Variants in SEMA5A observed in about 807,000 individuals in gnomAD.
The protein encoded by SEMA5A is semaphorin-5A.
SEMA5A carries 55 observed loss-of-function variants against 135.5 expected under a neutral mutation model. The observed-to-expected ratio is 0.41, with a 90% CI of 0.33 to 0.51. The LOEUF is 0.51. Among genes scored for constraint, SEMA5A ranks in the 20% least tolerant of loss-of-function variants. SEMA5A has a pLI of 0.37. For synonymous variants in SEMA5A, 580 were observed against 546.5 expected (o/e 1.06, Z -0.85); for missense variants, 1,290 against 1,419.9 (o/e 0.91, Z 1.47).
chr5:9,386,605 CAT>C (rs1448110255), intron 2 of SEMA5A, among the ~76,000 whole-genome samples: 1 of 152,188 alleles, frequency 6.6e-6, no homozygotes, highest in African/African-American at 2.4e-5. Flanking sequence ...GTGGTCACAC[CAT>C]GGTGGCTGAC....
At chr5:9,349,994 C>T (rs374284758) in intron 3 of SEMA5A, among the ~76,000 whole-genome samples, 8 of 152,084 alleles carry the variant, frequency 5.3e-5, no homozygotes, top group Non-Finnish European at 8.8e-5. Context: ...TCTAAGTCTT[C>T]GAAATCCTTA....
intron 1 of SEMA5A, among the ~76,000 whole-genome samples, chr5:9,507,786 C>T (rs1374577653): frequency 1.3e-5 from 2 of 151,976 alleles, no homozygotes; most frequent in Non-Finnish European, 2.9e-5. Context: ...GGGCGGATCA[C>T]GAGGTCAGGA....
chr5:9,371,490 A>G (rs1755132736), intron 3 of SEMA5A, among the ~76,000 whole-genome samples: 1 of 152,178 alleles, frequency 6.6e-6, no homozygotes, highest in Admixed American at 6.5e-5. Context: ...TTACATACCT[A>G]GATTATAGAA....
chr5:9,207,868 G>GATAA (rs1561022451), intron 8 of SEMA5A, among the ~76,000 whole-genome samples: 2 of 45,456 alleles, frequency 4.4e-5, no homozygotes, highest in African/African-American at 1.3e-4. Flanking sequence ...TAGATAGATA[G>GATAA]ATAGATAGAT....
rs779878914 is a variant in SEMA5A at position 9,088,647 on chromosome 5, T to TACAC, written c.2073+19492_2073+19493insGTGT. Among the ~76,000 whole-genome samples the TACAC allele has an allele frequency of 2.7e-4, 31 of 113,942 alleles. 1 individual carries two copies. Among genetic ancestry groups the TACAC allele is most frequent in the Non-Finnish European group, 5.3e-4 (29 of 55,204 alleles). The allele number at this position is 113,942 out of a possible 152,430, so 74.8% of individuals were successfully genotyped here. On this transcript the variant is annotated intron_variant, in intron 16 of 22. Transcript: ENST00000382496. ...GAAGCCTACATTTATAATATATATA[T>TACAC]ATATATATATATACACACACACACT...
intron 1 of SEMA5A, among the ~76,000 whole-genome samples, chr5:9,458,750 G>A (rs1268293337): frequency 6.6e-6 from 1 of 152,176 alleles, no homozygotes; most frequent in Non-Finnish European, 1.5e-5. Context: ...GAATAACAGT[G>A]CCAGCTCCTC....
chr5:9,049,042 A>T (rs1364279900), intron 21 of SEMA5A, among the ~76,000 whole-genome samples: 1 of 152,216 alleles, frequency 6.6e-6, no homozygotes, highest in Non-Finnish European at 1.5e-5. Context: ...CACAAAACTG[A>T]CACAGAGCAG....
chr5:9,475,944 G>A lies in SEMA5A; in HGVS notation c.-174-38092C>T, dbSNP rs931350652. 2.0e-5 allele frequency among the ~76,000 whole-genome samples: 3 copies of A among 152,174 alleles called. No individual in the cohort carries two copies. The East Asian group carries it at 5.8e-4, about 29-fold the overall frequency. ...AACTCATTTTACAGAGGTAGCTAAT[G>A]AGAAAAAGTCAATGTATATTCTTCG... On this transcript the variant is annotated intron_variant, in intron 1 of 22. Coordinates refer to ENST00000382496, the MANE Select transcript of SEMA5A (RefSeq NM_003966.3).
intron 5 of SEMA5A, among the ~76,000 whole-genome samples, chr5:9,276,446 T>C (rs1311304104): frequency 2.0e-5 from 3 of 152,148 alleles, no homozygotes; most frequent in South Asian, 4.1e-4. Context: ...CCTCACAGAA[T>C]TGGAAAAATC....
chr5:9,396,787 C>T (rs1031069566), intron 2 of SEMA5A, among the ~76,000 whole-genome samples: 1 of 152,164 alleles, frequency 6.6e-6, no homozygotes, highest in African/African-American at 2.4e-5. Flanking sequence ...GGTCCTTCCC[C>T]ACGTGGCCCT....
At chr5:9,488,485 T>G (rs184498563) in intron 1 of SEMA5A, among the ~76,000 whole-genome samples, 1 of 152,324 alleles carries the variant, frequency 6.6e-6, no homozygotes, top group Admixed American at 6.5e-5. Flanking sequence ...CTACCATCAT[T>G]CTGTCCTATT....
At chr5:9,503,931 T>C (rs1431380737) in intron 1 of SEMA5A, among the ~76,000 whole-genome samples, 1 of 152,172 alleles carries the variant, frequency 6.6e-6, no homozygotes, top group African/African-American at 2.4e-5. Context: ...GAAATACATT[T>C]CACGGCTGGG....
intron 1 of SEMA5A, among the ~76,000 whole-genome samples, chr5:9,473,383 TAAAAAAAAAAA>T (rs58137756): frequency 8.8e-5 from 7 of 79,704 alleles, no homozygotes; most frequent in African/African-American, 1.5e-4. Context: ...CAATCAGTGG[TAAAAAAAAAAA>T]AAAAAAAAAA....
intron 5 of SEMA5A, among the ~76,000 whole-genome samples, chr5:9,257,412 A>G (rs1019746439): frequency 6.6e-6 from 1 of 151,894 alleles, no homozygotes; most frequent in Non-Finnish European, 1.5e-5. Context: ...GTGGAAAAGT[A>G]AAGCTCTACA....
At chr5:9,412,507 TCACATGGAACAGTCCCCC>T (rs1757137085) in intron 2 of SEMA5A, among the ~76,000 whole-genome samples, 1 of 112,584 alleles carries the variant, frequency 8.9e-6, no homozygotes. Context: ...TTTTTTTTTT[TCACATGGAACAGTCCCCC>T]TTGTTATTAC....
intron 22 of SEMA5A, 92 bp from the exon 23 acceptor site, chr5:9,043,108 GCT>G: frequency 8.7e-7 from 1 of 1,154,534 alleles, no homozygotes; most frequent in South Asian, 1.4e-5. Flanking sequence ...TTGAATTTGA[GCT>G]CTCTGCTAAG....
At chr5:9,167,028 T>C (rs1743646678) in intron 11 of SEMA5A, among the ~76,000 whole-genome samples, 2 of 152,180 alleles carry the variant, frequency 1.3e-5, no homozygotes, top group Non-Finnish European at 2.9e-5. Context: ...TCCCATTAGT[T>C]GTCAATTGAG....
chr5:9,313,016 C>G (rs902503774), intron 5 of SEMA5A, among the ~76,000 whole-genome samples: 1 of 152,098 alleles, frequency 6.6e-6, no homozygotes, highest in African/African-American at 2.4e-5. Flanking sequence ...TCCCCGTGCT[C>G]CTACTGTAGC....
intron 5 of SEMA5A, among the ~76,000 whole-genome samples, chr5:9,310,165 T>C (rs1752061122): frequency 6.6e-6 from 1 of 152,130 alleles, no homozygotes; most frequent in South Asian, 2.1e-4. Flanking sequence ...AGTCACATAG[T>C]TTATATTTTA....
Sources: allele counts gnomAD v4.1 joint callset (sites outside exome capture counted in the v4.1 genomes callset), GRCh38; gene constraint gnomAD v4.1.1; transcripts MANE v1.5; gene names NCBI Gene and HGNC (gene_info 2026-07-23, HGNC 2026-07-21).